Variants in SLC6A18 observed in about 807,000 individuals in gnomAD.
SLC6A18 encodes inactive sodium-dependent neutral amino acid transporter B(0)AT3.
A neutral mutation model predicts 62.9 loss-of-function variants in SLC6A18; 58 were observed. The observed-to-expected ratio is 0.92, with a 90% CI of 0.75 to 1.15. The LOEUF (loss-of-function observed/expected upper bound fraction) is 1.15. Among genes scored for constraint, SLC6A18 ranks in the 50% most tolerant of loss-of-function variants. The probability of loss-of-function intolerance (pLI) is 0.00; values close to 1 mark genes in which losing one functional copy is unlikely to be tolerated. For synonymous variants in SLC6A18, 382 were observed against 365.8 expected (o/e 1.04, Z -0.51); for missense variants, 793 against 836.6 (o/e 0.95, Z 0.64).
chr5:1,230,317 C>G (rs553021860), intron 1 of SLC6A18, among the ~76,000 whole-genome samples: 2 of 152,138 alleles, frequency 1.3e-5, no homozygotes, highest in Non-Finnish European at 2.9e-5. Flanking sequence ...TGCTGACTCC[C>G]TGCCATGAGC....
chr5:1,237,930 A>G lies in SLC6A18; in HGVS notation c.622-20A>G. On this transcript the variant is annotated intron_variant, in intron 4 of 11. Coordinates refer to ENST00000324642, the MANE Select transcript of SLC6A18 (RefSeq NM_182632.3). ...ACCAGAGGCCATTTCAAGTCTCATG[A>G]CTCCACCTTTTGTTTCAAGGTGATT... 6.3e-7 allele frequency: 1 copy of G among 1,598,208 alleles called. No individual in the cohort carries two copies. The highest frequency in any genetic ancestry group is 8.6e-7 in the Non-Finnish European group (1 of 1,165,744).
chr5:1,233,391 T>C (rs115268800), intron 3 of SLC6A18, among the ~76,000 whole-genome samples: 1,915 of 152,024 alleles, frequency 0.013, 28 homozygotes, highest in Non-Finnish European at 0.02. Context: ...GACAGAAGAA[T>C]TGCTTGAACC....
At chr5:1,231,571 G>A (rs953047242) in intron 1 of SLC6A18, among the ~76,000 whole-genome samples, 10 of 152,206 alleles carry the variant, frequency 6.6e-5, no homozygotes, top group African/African-American at 1.2e-4. Flanking sequence ...TGGGGGAACA[G>A]AGCAGCTCAT....
Position 1,243,583 on chromosome 5 carries a change from T to C in SLC6A18, c.1160T>C (p.Val387Ala), listed in dbSNP as rs753427597. The change falls in exon 9 of 12, where the codon GTC becomes GCC. Residue 387 changes from valine (V) to alanine (A), a missense_variant. Coordinates refer to ENST00000324642, the MANE Select transcript of SLC6A18 (RefSeq NM_182632.3). The surrounding 1 kb of genome is among the most constrained non-coding windows in gnomAD (Gnocchi z 6.5). The stretch of plus-strand genomic sequence containing the variant: ...GCCTCGGGCCCGGGCCTGGCCTTCG[T>C]CGTCTTCACGGAGACCGACCTCCAC... ...KSASGPGLAF[V>A]VFTETDLHMP... The C allele has an allele frequency of 1.9e-6, 3 of 1,613,714 alleles. No homozygotes were observed. In the African/African-American group the frequency reaches 4.0e-5, roughly 22 times the overall value.
chr5:1,246,135 T>TGGGCGG lies in SLC6A18; in HGVS notation c.*60_*65dup. ...TCTGTGGGGGGGCTTGGCCTGATGG[T>TGGGCGG]GGGCGGGGCCCCGCCCACAGGGCCG... On this transcript the variant is annotated 3_prime_UTR_variant, in exon 12 of 12. Coordinates refer to ENST00000324642, the MANE Select transcript of SLC6A18 (RefSeq NM_182632.3). The TGGGCGG allele has an allele frequency of 2.3e-6, 3 of 1,324,690 alleles. No homozygotes were observed. Among genetic ancestry groups the TGGGCGG allele is most frequent in the East Asian group, 6.6e-5 (2 of 30,434 alleles). The allele number at this position is 1,324,690 out of a possible 1,614,324, so 82.1% of individuals were successfully genotyped here.
rs770207921 is a variant in SLC6A18, at chr5:1,225,495, A to T, written c.18A>T (p.Glu6Asp). The T allele has an allele frequency of 6.2e-6, 10 of 1,612,740 alleles. No homozygotes were observed. Among genetic ancestry groups the T allele is most frequent in the Non-Finnish European group, 7.6e-6 (9 of 1,179,462 alleles). Residue 6 changes from glutamate to aspartate, a missense_variant, in exon 1 of 12, where the codon GAA becomes GAT. Glu to Asp is a conservative substitution (Grantham distance 45). Transcript: ENST00000324642. Reference sequence around the variant, plus strand: ...CAGTCACCATGGCTCATGCCCCAGAACCGGACCCGGCCGCCTGCGACCTCG... The same window carrying T: ...CAGTCACCATGGCTCATGCCCCAGATCCGGACCCGGCCGCCTGCGACCTCG... Reference protein sequence around the residue: MAHAPEPDPAACDLGD... With the variant: MAHAPDPDPAACDLGD...
intron 1 of SLC6A18, among the ~76,000 whole-genome samples, chr5:1,228,689 T>G (rs1297908413): frequency 6.6e-6 from 1 of 152,186 alleles, no homozygotes; most frequent in Non-Finnish European, 1.5e-5. Context: ...CTGGGCAACA[T>G]GGCAAAACCC....
At chr5:1,230,616 T>G (rs1438941249) in intron 1 of SLC6A18, among the ~76,000 whole-genome samples, 1 of 152,170 alleles carries the variant, frequency 6.6e-6, no homozygotes, top group Non-Finnish European at 1.5e-5. Context: ...TCGCAGAACA[T>G]TCTCATGGTG....
Position 1,243,870 on chromosome 5 carries a change from T to G in SLC6A18, c.1336+111T>G, listed in dbSNP as rs899421280. 4 of 1,068,020 alleles carry G rather than the reference T, an allele frequency of 3.7e-6. No homozygotes were observed. The highest frequency in any genetic ancestry group is 5.5e-5 in the Admixed American group (2 of 36,122). The allele number at this position is 1,068,020 out of a possible 1,614,324, so 66.2% of individuals were successfully genotyped here. A position where few individuals can be genotyped will look rare whatever the true frequency, so the allele number is the denominator to read the frequency against. On this transcript the variant is annotated intron_variant, in intron 9 of 11. Transcript: ENST00000324642. This position sits in a 1 kb window ranked among gnomAD's most constrained non-coding sequence, Gnocchi z 6.5. ...GATGGAGAGCGCAAGGGGCCAAGCC[T>G]GAGTTCAGGGAAAGGCTGAGCCAGG... is the stretch of plus-strand genomic sequence containing the variant.
chr5:1,233,872 G>A (rs1315665314), intron 3 of SLC6A18, among the ~76,000 whole-genome samples: 2 of 151,928 alleles, frequency 1.3e-5, no homozygotes, highest in Non-Finnish European at 2.9e-5. Context: ...CTCCCAAATA[G>A]CTAGGACTAC....
intron 11 of SLC6A18, 116 bp downstream of exon 11, chr5:1,244,883 C>T (rs971362292): frequency 7.9e-7 from 1 of 1,259,050 alleles, no homozygotes; most frequent in Admixed American, 2.6e-5. Flanking sequence ...GTGCTAGTGA[C>T]AAGGTGGCGT....
chr5:1,240,522 T>G lies in SLC6A18; in HGVS notation c.846-9T>G, dbSNP rs1349909064. The G allele has an allele frequency of 6.2e-7, 1 of 1,614,038 alleles. No individual in the cohort carries two copies. The highest frequency in any genetic ancestry group is 8.5e-7 in the Non-Finnish European group (1 of 1,179,954). Reference sequence around the variant, plus strand: ...GCAAAGCCTGTGATGAGCGTGCGTTTGTGCCCAGGAATGACTGCCAGAAGG... The same window carrying G: ...GCAAAGCCTGTGATGAGCGTGCGTTGGTGCCCAGGAATGACTGCCAGAAGG... On this transcript the variant is annotated splice_polypyrimidine_tract_variant and intron_variant, in intron 6 of 11. Coordinates refer to ENST00000324642, the MANE Select transcript of SLC6A18 (RefSeq NM_182632.3).
At chr5:1,244,175 C>G (rs1747147098) in intron 9 of SLC6A18, 39 bp from the exon 10 acceptor site, 1 of 893,916 alleles carries the variant, frequency 1.1e-6, no homozygotes, top group South Asian at 1.4e-5. Flanking sequence ...CTCCACTCCC[C>G]ATCCCCTTAC....
At position 1,242,845 on chromosome 5, in the gene SLC6A18, G is replaced by T; in HGVS notation, c.1113G>T (p.Leu371=). The change falls in exon 8 of 12, where the codon CTG becomes CTT. Residue 371 remains leucine (L), a synonymous_variant. Transcript: ENST00000324642. ...VAQLPLKACL[L]EDFLDKSASG... ...AGCTCCCCCTGAAGGCCTGCCTCCT[G>T]GAAGACTTTCTGGATAAGGTACCTG... 6.2e-7 allele frequency: 1 copy of T among 1,611,130 alleles called. No individual in the cohort carries two copies. Among genetic ancestry groups the T allele is most frequent in the Non-Finnish European group, 8.5e-7 (1 of 1,178,430 alleles).
intron 1 of SLC6A18, among the ~76,000 whole-genome samples, chr5:1,226,605 C>T (rs898690903): frequency 1.3e-5 from 2 of 152,160 alleles, no homozygotes; most frequent in Admixed American, 1.3e-4. Context: ...GAAATGCGCA[C>T]AAATGGAAAA....
Position 1,245,910 on chromosome 5 carries a change from G to T in SLC6A18, c.1719G>T (p.Leu573=). The T allele has an allele frequency of 6.2e-7, 1 of 1,607,022 alleles. No individual in the cohort carries two copies. Among genetic ancestry groups the T allele is most frequent in the African/African-American group, 1.3e-5 (1 of 75,030 alleles). ...YPGWARAACV[L]LSLLPVLWVP... ...GCTGGGCGCGCGCCGCCTGTGTGCTGCTGTCCTTGCTGCCCGTGCTGTGGG... is the reference window on the plus strand; with the variant it reads ...GCTGGGCGCGCGCCGCCTGTGTGCTTCTGTCCTTGCTGCCCGTGCTGTGGG... The change falls in exon 12 of 12, where the codon CTG becomes CTT. Residue 573 remains leucine (L), a synonymous_variant. Coordinates refer to ENST00000324642, the MANE Select transcript of SLC6A18 (RefSeq NM_182632.3).
intron 1 of SLC6A18, 130 bp downstream of exon 1, chr5:1,225,767 C>A: frequency 8.7e-7 from 1 of 1,145,292 alleles, no homozygotes; most frequent in Non-Finnish European, 1.2e-6. Context: ...CCAGGGTGCA[C>A]CATTGCCCAC....
intron 1 of SLC6A18, 40 bp from the exon 2 acceptor site, chr5:1,232,179 C>T (rs374900485): frequency 8.8e-6 from 14 of 1,588,812 alleles, no homozygotes; most frequent in Middle Eastern, 2.1e-4. Context: ...CCCCCCCAGC[C>T]CCCGACCCTG....
At chr5:1,233,319 A>G (rs957100770) in intron 3 of SLC6A18, among the ~76,000 whole-genome samples, 13 of 152,284 alleles carry the variant, frequency 8.5e-5, no homozygotes, top group East Asian at 3.9e-4. Flanking sequence ...CTCTACTCAA[A>G]ATACAAAAAT....
Sources: gnomAD v4.1 joint callset for allele counts (sites outside exome capture counted in the v4.1 genomes callset) on GRCh38, gnomAD v4.1.1 for gene constraint, Gnocchi (gnomAD v3.1) non-coding constraint, MANE v1.5 for transcripts, NCBI Gene and HGNC (gene_info 2026-07-23, HGNC 2026-07-21) for gene names.